The following AHR variants were observed in gnomAD, a reference collection of about 807,000 sequenced individuals.
AHR encodes the protein AH-receptor.
A neutral mutation model predicts 86.8 loss-of-function variants in AHR; 40 were observed. The ratio of observed to expected loss-of-function variants is 0.46; its 90% confidence interval spans 0.36 to 0.60. AHR has a LOEUF of 0.60. Among genes scored for constraint, AHR ranks in the 20% least tolerant of loss-of-function variants. AHR has a pLI of 0.00. For missense variants in AHR, 1,001 were observed against 1,011.6 expected, an observed-to-expected ratio of 0.99 and a Z score of 0.14; for synonymous variants, 398 against 354.9, an observed-to-expected ratio of 1.12 and a Z score of -1.37.
rs765837917 is a variant in AHR at position 17,334,897 on chromosome 7, G to A, written c.919G>A (p.Val307Ile). Residue 307 changes from valine (V) to isoleucine (I), a missense_variant, in exon 8 of 11, where the codon GTT becomes ATT. Coordinates refer to ENST00000242057, the MANE Select transcript of AHR (RefSeq NM_001621.5). ...TTTTATTTTAAACAGAGGAAGAATT[G>A]TTTTAGGATATACTGAAGCAGAGCT... Reference protein sequence around the residue: ...PIGCDAKGRIVLGYTEAELCT... With the variant: ...PIGCDAKGRIILGYTEAELCT... 9.3e-6 allele frequency: 15 copies of A among 1,606,650 alleles called. No homozygotes were observed. Among genetic ancestry groups the A allele is most frequent in the Non-Finnish European group, 1.2e-5 (14 of 1,176,172 alleles).
At chr7:17,303,830 T>C (rs1007963068) in intron 1 of AHR, among the ~76,000 whole-genome samples, 2 of 152,142 alleles carry the variant, frequency 1.3e-5, no homozygotes, top group Non-Finnish European at 1.5e-5. Flanking sequence ...CTCCAAGAGA[T>C]AGTATCAAAT....
chr7:17,299,204 C>G lies in AHR; in HGVS notation c.-61C>G. Reference sequence around the variant, plus strand: ...CCGCCGCAGTGGTCCCAGCCTACACCGGGTTCCGGGGACCCGGCCGCCAGT... The same window carrying G: ...CCGCCGCAGTGGTCCCAGCCTACACGGGGTTCCGGGGACCCGGCCGCCAGT... On this transcript the variant is annotated 5_prime_UTR_variant, in exon 1 of 11. Transcript: ENST00000242057. The G allele has an allele frequency of 2.1e-5, 33 of 1,575,094 alleles. No homozygotes were observed. The highest frequency in any genetic ancestry group is 2.8e-5 in the Non-Finnish European group (32 of 1,162,336).
At chr7:17,333,668 AT>A (rs1782324590) in intron 6 of AHR, among the ~76,000 whole-genome samples, 2 of 151,912 alleles carry the variant, frequency 1.3e-5, no homozygotes, top group African/African-American at 4.8e-5. Context: ...TTTTCATGTT[AT>A]GACCATTAGG....
intron 2 of AHR, among the ~76,000 whole-genome samples, chr7:17,312,187 C>T (rs1782072100): frequency 6.6e-6 from 1 of 152,152 alleles, no homozygotes; most frequent in Non-Finnish European, 1.5e-5. Flanking sequence ...AGTGCTTGAC[C>T]ATGTGGTGGC....
chr7:17,310,639 ATTCTCCTGC>A (rs1562475117), intron 2 of AHR, among the ~76,000 whole-genome samples: 2 of 151,128 alleles, frequency 1.3e-5, no homozygotes, highest in South Asian at 4.2e-4. Context: ...GGTTCAAGCG[ATTCTCCTGC>A]TTCAGCCTCC....
Position 17,344,952 on chromosome 7 carries a change from C to G in AHR, c.*1888C>G, listed in dbSNP as rs1422578865. The stretch of plus-strand genomic sequence containing the variant: ...CTCTTCTTTTCTTTAGATATGAGAG[C>G]TGAAGAGCTTAGACACATTTTGCAT... On this transcript the variant is annotated 3_prime_UTR_variant, in exon 11 of 11. Coordinates refer to ENST00000242057, the MANE Select transcript of AHR (RefSeq NM_001621.5). 1 of 115,588 alleles carries G rather than the reference C, an allele frequency of 8.7e-6. No individual in the cohort carries two copies. The highest frequency in any genetic ancestry group is 3.4e-5 in the African/African-American group (1 of 29,372). The allele number at this position is 115,588 out of a possible 1,614,324, so 7.2% of individuals were successfully genotyped here. A position where few individuals can be genotyped will look rare whatever the true frequency, so the allele number is the denominator to read the frequency against.
At chr7:17,302,830 CTG>C (rs1781968219) in intron 1 of AHR, among the ~76,000 whole-genome samples, 1 of 151,330 alleles carries the variant, frequency 6.6e-6, no homozygotes, top group South Asian at 2.1e-4. Flanking sequence ...TATATATAAA[CTG>C]TGAAGACTGC....
intron 2 of AHR, among the ~76,000 whole-genome samples, chr7:17,319,265 T>C (rs1172426116): frequency 6.6e-6 from 1 of 152,134 alleles, no homozygotes; most frequent in Non-Finnish European, 1.5e-5. Context: ...TTCCAGGCAT[T>C]ACCCTGGTAT....
intron 10 of AHR, among the ~76,000 whole-genome samples, chr7:17,340,963 TAAAAATGATCACTTAAAA>T (rs1314614812): frequency 6.6e-6 from 1 of 152,078 alleles, no homozygotes; most frequent in Non-Finnish European, 1.5e-5. Flanking sequence ...ACTTTAAATC[TAAAAATGATCACTTAAAA>T]AAAAAAAGTT....
chr7:17,322,462 C>A, intron 2 of AHR, 39 bp from the exon 3 acceptor site: 1 of 1,374,808 alleles, frequency 7.3e-7, no homozygotes, highest in Non-Finnish European at 1.0e-6. Context: ...TTTACTCTTG[C>A]TTACTTTTAA....
intron 2 of AHR, among the ~76,000 whole-genome samples, chr7:17,313,963 T>C (rs1442807038): frequency 6.6e-6 from 1 of 152,154 alleles, no homozygotes; most frequent in African/African-American, 2.4e-5. Flanking sequence ...CTAATCAGCA[T>C]TGTAATGTTT....
chr7:17,338,903 T>G, intron 9 of AHR, 83 bp from the exon 10 acceptor site: 4 of 1,303,646 alleles, frequency 3.1e-6, no homozygotes, highest in Non-Finnish European at 4.1e-6. Flanking sequence ...GTATTTTGCT[T>G]TATGTTTTTC....
At chr7:17,342,810 GT>G in intron 10 of AHR, 110 bp from the exon 11 acceptor site, 1 of 1,065,020 alleles carries the variant, frequency 9.4e-7, no homozygotes, top group Admixed American at 2.6e-5. Context: ...GGAACTTGAA[GT>G]TTACAACTCT....
At chr7:17,307,383 A>G (rs1409298567) in intron 1 of AHR, among the ~76,000 whole-genome samples, 1 of 152,142 alleles carries the variant, frequency 6.6e-6, no homozygotes, top group Non-Finnish European at 1.5e-5. Context: ...AAGAAGTCAA[A>G]TGGGGCAGAG....
chr7:17,342,393 T>C (rs576491396), intron 10 of AHR, among the ~76,000 whole-genome samples: 19 of 152,304 alleles, frequency 1.2e-4, no homozygotes, highest in Non-Finnish European at 2.5e-4. Flanking sequence ...AAGTATATTA[T>C]GAATAAGAAA....
At position 17,343,016 on chromosome 7, in the gene AHR, G is replaced by A. The variant is rs763058807; in HGVS notation, c.2499G>A (p.Pro833=). 43 of 1,613,652 alleles carry A rather than the reference G, an allele frequency of 2.7e-5. No individual in the cohort carries two copies. In the East Asian group the frequency reaches 3.6e-4, roughly 13 times the overall value. Residue 833 remains proline, a synonymous_variant, in exon 11 of 11, where the codon CCG becomes CCA. Transcript: ENST00000242057. The part of the protein sequence containing the change: ...TTTHLQPLHH[P]SEARPFPDLT... ...CACATCTTCAGCCACTTCATCATCCGTCAGAAGCCAGACCTTTTCCTGATT... is the reference window on the plus strand; with the variant it reads ...CACATCTTCAGCCACTTCATCATCCATCAGAAGCCAGACCTTTTCCTGATT...
intron 3 of AHR, among the ~76,000 whole-genome samples, chr7:17,326,610 G>A (rs1449986530): frequency 1.3e-5 from 2 of 152,160 alleles, no homozygotes; most frequent in Non-Finnish European, 2.9e-5. Context: ...TGCTGGCTCT[G>A]TGCCAAGCAT....
At position 17,333,902 on chromosome 7, in the gene AHR, CT is replaced by C; in HGVS notation, c.706-4del. 2 of 1,609,826 alleles carry C rather than the reference CT, an allele frequency of 1.2e-6. No individual in the cohort carries two copies. The highest frequency in any genetic ancestry group is 1.1e-5 in the South Asian group (1 of 90,670). ...TTAATGAACTTTTTTGTTGTTGTTG[CT>C]TTTTTAAGGCAATGAATTTCCAAGG... is the stretch of plus-strand genomic sequence containing the variant. On this transcript the variant is annotated splice_polypyrimidine_tract_variant and intron_variant, in intron 6 of 10. Coordinates refer to ENST00000242057, the MANE Select transcript of AHR (RefSeq NM_001621.5).
chr7:17,329,894 T>C (rs548279938), intron 4 of AHR, 58 bp from the exon 5 acceptor site: 21 of 1,487,876 alleles, frequency 1.4e-5, no homozygotes, highest in Non-Finnish European at 1.9e-5. Flanking sequence ...TTAAAATTAA[T>C]TTAGCCATAT....
Sources: allele counts gnomAD v4.1 joint callset (sites outside exome capture counted in the v4.1 genomes callset), GRCh38; gene constraint gnomAD v4.1.1; transcripts MANE v1.5; gene names NCBI Gene and HGNC (gene_info 2026-07-23, HGNC 2026-07-21).